The following CTNND2 variants were observed in gnomAD, a reference collection of about 807,000 sequenced individuals.
The protein encoded by CTNND2 is catenin delta-2.
CTNND2 carries 22 observed loss-of-function variants against 144.4 expected under a neutral mutation model. That is an observed-to-expected ratio of 0.15 (90% confidence interval 0.11 to 0.22). The LOEUF (loss-of-function observed/expected upper bound fraction) is 0.22. Among genes scored for constraint, CTNND2 ranks in the 10% least tolerant of loss-of-function variants. CTNND2 has a pLI of 1.00. For synonymous variants in CTNND2, 751 were observed against 695.6 expected, an observed-to-expected ratio of 1.08 and a Z score of -1.25; for missense variants, 1,353 against 1,618.8, an observed-to-expected ratio of 0.84 and a Z score of 2.82.
chr5:11,311,779 TCA>T (rs113111244), intron 9 of CTNND2, among the ~76,000 whole-genome samples: 3,089 of 105,406 alleles, frequency 0.029, 111 homozygotes, highest in African/African-American at 0.098. Flanking sequence ...CACCCTCACC[TCA>T]CACACACACA....
chr5:11,708,412 C>A (rs1356489834), intron 2 of CTNND2, among the ~76,000 whole-genome samples: 1 of 151,944 alleles, frequency 6.6e-6, no homozygotes, highest in Non-Finnish European at 1.5e-5. Flanking sequence ...AAAGATGAAA[C>A]CTTTCTTTAA....
intron 3 of CTNND2, among the ~76,000 whole-genome samples, chr5:11,461,355 C>T (rs1417174991): frequency 3.3e-5 from 5 of 152,132 alleles, no homozygotes; most frequent in African/African-American, 4.8e-5. Context: ...AGCCCTTTCA[C>T]GGGAACCTGA....
At chr5:11,756,859 C>T (rs980469818) in intron 1 of CTNND2, among the ~76,000 whole-genome samples, 3 of 150,706 alleles carry the variant, frequency 2.0e-5, no homozygotes, top group Admixed American at 2.0e-4. Context: ...CATTGCATTG[C>T]TTTTAGTTGT....
At chr5:11,416,510 A>C (rs1761949096) in intron 3 of CTNND2, among the ~76,000 whole-genome samples, 1 of 152,172 alleles carries the variant, frequency 6.6e-6, no homozygotes, top group Non-Finnish European at 1.5e-5. Flanking sequence ...TTAAGTGCAC[A>C]CTTTAATCTC....
At chr5:11,693,706 A>C (rs914517739) in intron 2 of CTNND2, among the ~76,000 whole-genome samples, 4 of 152,348 alleles carry the variant, frequency 2.6e-5, no homozygotes, top group East Asian at 3.9e-4. Flanking sequence ...TAGTATTATC[A>C]ATAATTATTT....
chr5:11,220,837 T>A (rs903036315), intron 10 of CTNND2, among the ~76,000 whole-genome samples: 8 of 152,206 alleles, frequency 5.3e-5, no homozygotes, highest in African/African-American at 1.9e-4. Flanking sequence ...CCAGGGGACA[T>A]ACATTTCAAT....
At chr5:11,770,637 T>A (rs974696660) in intron 1 of CTNND2, among the ~76,000 whole-genome samples, 3 of 152,118 alleles carry the variant, frequency 2.0e-5, no homozygotes, top group African/African-American at 7.2e-5. Context: ...CTGAGGCAAA[T>A]GTCTAGCCAT....
At chr5:11,105,666 T>C (rs984912414) in intron 14 of CTNND2, among the ~76,000 whole-genome samples, 1 of 152,204 alleles carries the variant, frequency 6.6e-6, no homozygotes, top group African/African-American at 2.4e-5. Context: ...ATAGCAGCAC[T>C]TTTAGGTGAT....
intron 2 of CTNND2, among the ~76,000 whole-genome samples, chr5:11,614,812 A>G (rs896257283): frequency 3.9e-5 from 6 of 152,222 alleles, no homozygotes; most frequent in Non-Finnish European, 2.9e-5. Context: ...GACCTGCTGT[A>G]GCACCAATAT....
chr5:11,058,177 G>C (rs1316271127), intron 16 of CTNND2, among the ~76,000 whole-genome samples: 1 of 152,200 alleles, frequency 6.6e-6, no homozygotes, highest in Non-Finnish European at 1.5e-5. Flanking sequence ...GTAATGAGGA[G>C]CTGAATGTTA....
At chr5:11,682,258 G>C (rs1784450337) in intron 2 of CTNND2, among the ~76,000 whole-genome samples, 2 of 152,204 alleles carry the variant, frequency 1.3e-5, no homozygotes, top group Admixed American at 1.3e-4. Flanking sequence ...GAAGCCTTGG[G>C]CATTTCTACT....
rs193150788 is a variant in CTNND2, at chr5:11,512,857, G to T, written c.287+52087C>A. ...ATTCATTACACTGGCTTTGAGCAAA[G>T]TCTGCAGGAGAAAAGACAGATGCTC... On this transcript the variant is annotated intron_variant, in intron 3 of 21. Coordinates refer to ENST00000304623, the MANE Select transcript of CTNND2 (RefSeq NM_001332.4). 2.3e-3 allele frequency among the ~76,000 whole-genome samples: 344 copies of T among 152,316 alleles called. 2 individuals carry two copies. Among genetic ancestry groups the T allele is most frequent in the African/African-American group, 7.9e-3 (327 of 41,574 alleles).
intron 3 of CTNND2, among the ~76,000 whole-genome samples, chr5:11,531,950 G>A (rs1316224737): frequency 6.6e-6 from 1 of 152,094 alleles, no homozygotes. Context: ...ACTAACCGCA[G>A]TGCACATTGC....
intron 2 of CTNND2, among the ~76,000 whole-genome samples, chr5:11,648,054 A>G (rs1782456017): frequency 6.6e-6 from 1 of 151,894 alleles, no homozygotes; most frequent in Non-Finnish European, 1.5e-5. Flanking sequence ...GTACATTTCT[A>G]TTCTATTGCA....
chr5:11,764,319 C>A (rs1324966495), intron 1 of CTNND2, among the ~76,000 whole-genome samples: 1 of 152,160 alleles, frequency 6.6e-6, no homozygotes, highest in Non-Finnish European at 1.5e-5. Flanking sequence ...AGACTCCTGG[C>A]CTCCAGAAGT....
At chr5:11,839,856 C>T (rs562167776) in intron 1 of CTNND2, among the ~76,000 whole-genome samples, 3 of 152,146 alleles carry the variant, frequency 2.0e-5, no homozygotes, top group Admixed American at 6.5e-5. Flanking sequence ...CCTAGGCAGG[C>T]GTGAGTCTGC....
chr5:11,397,106 G>A lies in CTNND2; in HGVS notation c.537C>T (p.Ala179=). Residue 179 remains alanine (A), a synonymous_variant, in exon 6 of 22, where the codon GCC becomes GCT. Transcript: ENST00000304623. ...GCTGTGAAGGGGTGGTTTCCCCCAG[G>A]GCCAGGGTCTGGTTGCTATGGTAGC... is the stretch of plus-strand genomic sequence containing the variant. ...PASYHSNQTL[A]LGETTPSQLP... 6.2e-7 allele frequency: 1 copy of A among 1,614,148 alleles called. No individual in the cohort carries two copies. Among genetic ancestry groups the A allele is most frequent in the Non-Finnish European group, 8.5e-7 (1 of 1,180,038 alleles).
Position 11,236,707 on chromosome 5 carries a change from T to C in CTNND2, c.1745A>G (p.Asn582Ser), listed in dbSNP as rs1422181938. 1 of 1,614,038 alleles carries C rather than the reference T, an allele frequency of 6.2e-7. No homozygotes were observed. Among genetic ancestry groups the C allele is most frequent in the Non-Finnish European group, 8.5e-7 (1 of 1,180,014 alleles). The change falls in exon 10 of 22, where the codon AAC (asparagine) becomes AGC (serine). Residue 582 changes from asparagine (N) to serine (S), a missense_variant. Around this residue, in one of 4 missense-constraint regions of CTNND2, gnomAD observed 69 missense variants for 120.3 expected, o/e 0.57. Transcript: ENST00000304623. ...AYLQHLCFGD[N>S]KIKAEIRRQG... ...AGCACTGACCTCGGCTTTAATTTTG[T>C]TGTCTCCAAAACAGAGGTGTTGCAA...
chr5:11,310,667 G>A (rs1373525385), intron 9 of CTNND2, among the ~76,000 whole-genome samples: 1 of 151,572 alleles, frequency 6.6e-6, no homozygotes, highest in Non-Finnish European at 1.5e-5. Flanking sequence ...CTCTTTCTCT[G>A]CCTTTCCCCA....
Sources: allele counts gnomAD v4.1 joint callset (sites outside exome capture counted in the v4.1 genomes callset), GRCh38; gene constraint gnomAD v4.1.1; regional missense constraint gnomAD v4.1.1; transcripts MANE v1.5; gene names NCBI Gene and HGNC (gene_info 2026-07-23, HGNC 2026-07-21).